BACE2: variants seen among roughly 807,000 people sequenced by gnomAD.
The protein encoded by BACE2 is 56 kDa aspartic-like protease.
A neutral mutation model predicts 46.2 loss-of-function variants in BACE2; 17 were observed. The ratio of observed to expected loss-of-function variants is 0.37; its 90% confidence interval spans 0.25 to 0.55. BACE2 has a LOEUF of 0.55. BACE2 is among the 20% of genes least tolerant of loss of function. BACE2 has a pLI of 0.82. For synonymous variants in BACE2, 277 were observed against 295.9 expected (o/e 0.94, Z 0.66); for missense variants, 595 against 698.1 (o/e 0.85, Z 1.66).
intron 1 of BACE2, among the ~76,000 whole-genome samples, chr21:41,200,795 C>T (rs1300858095): frequency 4.6e-5 from 7 of 152,148 alleles, no homozygotes; most frequent in Non-Finnish European, 1.0e-4. Flanking sequence ...AGAGGACGGC[C>T]ATCTGCAAGC....
At chr21:41,214,962 T>G (rs898745038) in intron 1 of BACE2, among the ~76,000 whole-genome samples, 17 of 150,440 alleles carry the variant, frequency 1.1e-4, no homozygotes, top group South Asian at 4.3e-4. Flanking sequence ...GGAAGGACTG[T>G]GGGGGGCAAA....
At chr21:41,250,689 G>A in intron 6 of BACE2, 63 bp from the exon 7 acceptor site, 1 of 1,532,930 alleles carries the variant, frequency 6.5e-7, no homozygotes, top group Non-Finnish European at 9.0e-7. Flanking sequence ...GGAAAGCCTG[G>A]AGCTGTTTCC....
intron 1 of BACE2, among the ~76,000 whole-genome samples, chr21:41,210,540 G>A (rs370517539): frequency 5.7e-4 from 87 of 152,236 alleles, no homozygotes; most frequent in African/African-American, 2.0e-3. Flanking sequence ...AACACTCACC[G>A]GCCCGGAGAT....
In BACE2 at chr21:41,277,796, G is replaced by A. The variant is rs571443375; in HGVS notation, c.*2172G>A. 1 of 152,358 alleles carries A rather than the reference G, an allele frequency of 6.6e-6. No individual in the cohort carries two copies. Among genetic ancestry groups the A allele is most frequent in the East Asian group, 1.9e-4 (1 of 5,188 alleles). The allele number at this position is 152,358 out of a possible 1,614,324, so 9.4% of individuals were successfully genotyped here. ...GTAACAAGTGAGGTTTCCAGGTAGA[G>A]TAGGTGAATGAAGTTTGCCGTCATG... On this transcript the variant is annotated 3_prime_UTR_variant, in exon 9 of 9. Coordinates refer to ENST00000330333, the MANE Select transcript of BACE2 (RefSeq NM_012105.5).
At chr21:41,233,170 A>G (rs1987015921) in intron 2 of BACE2, among the ~76,000 whole-genome samples, 1 of 152,204 alleles carries the variant, frequency 6.6e-6, no homozygotes, top group Non-Finnish European at 1.5e-5. Context: ...ATAATAACTC[A>G]TAGCCTGAAA....
In BACE2 at chr21:41,262,229, G is replaced by A. The variant is rs77717692; in HGVS notation, c.1303+4903G>A. 6.0e-3 allele frequency among the ~76,000 whole-genome samples: 917 copies of A among 152,178 alleles called. 9 individuals carry two copies. Among genetic ancestry groups the A allele is most frequent in the African/African-American group, 0.02 (841 of 41,530 alleles). ...TTTATCTATTCCCTAATGATATACC[G>A]CATTGATTTTGCATCATATTTCCTT... is the stretch of plus-strand genomic sequence containing the variant. On this transcript the variant is annotated intron_variant, in intron 8 of 8. Coordinates refer to ENST00000330333, the MANE Select transcript of BACE2 (RefSeq NM_012105.5).
At chr21:41,259,573 T>C (rs995510331) in intron 8 of BACE2, among the ~76,000 whole-genome samples, 1 of 152,136 alleles carries the variant, frequency 6.6e-6, no homozygotes, top group Admixed American at 6.5e-5. Context: ...ATATTTTCTT[T>C]AAAAATTTGT....
At chr21:41,204,784 A>G (rs915690694) in intron 1 of BACE2, among the ~76,000 whole-genome samples, 4 of 152,252 alleles carry the variant, frequency 2.6e-5, no homozygotes, top group African/African-American at 9.6e-5. Flanking sequence ...CTTCTGGGTT[A>G]GCATTCTTTC....
chr21:41,203,144 G>A (rs1986011895), intron 1 of BACE2, among the ~76,000 whole-genome samples: 1 of 152,192 alleles, frequency 6.6e-6, no homozygotes, highest in Non-Finnish European at 1.5e-5. Context: ...GAAAGGGACA[G>A]GCAGGACAAC....
At chr21:41,182,369 T>C (rs552651253) in intron 1 of BACE2, 1 of 167,236 alleles carries the variant, frequency 6.0e-6, no homozygotes, top group Admixed American at 6.5e-5. Flanking sequence ...TCATTGTAAT[T>C]GATTCTTGGG....
At chr21:41,220,734 A>G (rs1475115502) in intron 1 of BACE2, among the ~76,000 whole-genome samples, 1 of 150,822 alleles carries the variant, frequency 6.6e-6, no homozygotes, top group South Asian at 2.1e-4. Flanking sequence ...ATATTTTTAT[A>G]TATGTGAGAT....
intron 1 of BACE2, among the ~76,000 whole-genome samples, chr21:41,212,416 C>T (rs186939535): frequency 3.3e-5 from 5 of 152,272 alleles, no homozygotes; most frequent in African/African-American, 1.2e-4. Flanking sequence ...GGGGTCAGGG[C>T]ACAGACATTC....
chr21:41,202,169 G>C (rs1985985841), intron 1 of BACE2, among the ~76,000 whole-genome samples: 1 of 152,188 alleles, frequency 6.6e-6, no homozygotes, highest in Non-Finnish European at 1.5e-5. Flanking sequence ...ATTTGTTATG[G>C]TTAATGCTTA....
At chr21:41,182,027 A>T (rs181381410) in intron 1 of BACE2, 1 of 167,232 alleles carries the variant, frequency 6.0e-6, no homozygotes, top group Non-Finnish European at 1.5e-5. Context: ...TTCTATACCC[A>T]ACAAGCCCAC....
chr21:41,191,156 T>A (rs1266211854), intron 1 of BACE2, among the ~76,000 whole-genome samples: 1 of 152,166 alleles, frequency 6.6e-6, no homozygotes, highest in African/African-American at 2.4e-5. Flanking sequence ...GGACGCTGAT[T>A]CAGAGCATAC....
At chr21:41,178,958 G>T in intron 1 of BACE2, 1 of 560,102 alleles carries the variant, frequency 1.8e-6, no homozygotes, top group Non-Finnish European at 2.7e-6. Context: ...GGTTATGGAA[G>T]ACCTCTCTGA....
intron 2 of BACE2, among the ~76,000 whole-genome samples, chr21:41,227,261 A>G (rs1045155501): frequency 1.3e-5 from 2 of 152,266 alleles, no homozygotes; most frequent in Admixed American, 1.3e-4. Flanking sequence ...GTAAGCTGAC[A>G]TGCTGGTTTG....
Position 41,275,784 on chromosome 21 carries a change from T to A in BACE2, c.*160T>A, listed in dbSNP as rs1486560669. 2.3e-6 allele frequency: 2 copies of A among 855,304 alleles called. No homozygotes were observed. The highest frequency in any genetic ancestry group is 3.5e-6 in the Non-Finnish European group (2 of 574,932). The allele number at this position is 855,304 out of a possible 1,614,324, so 53.0% of individuals were successfully genotyped here. On this transcript the variant is annotated 3_prime_UTR_variant, in exon 9 of 9. Coordinates refer to ENST00000330333, the MANE Select transcript of BACE2 (RefSeq NM_012105.5). The stretch of plus-strand genomic sequence containing the variant: ...CCTTCTAGATTCACTGTCTTTTGAT[T>A]CTTGATTTTCAAGCTTTCAAATCCT...
chr21:41,250,983 A>C, intron 7 of BACE2, 82 bp downstream of exon 7: 5 of 1,306,072 alleles, frequency 3.8e-6, no homozygotes, highest in Non-Finnish European at 5.4e-6. Context: ...ATTAGATGTC[A>C]CACCTGCATT....
Sources: gnomAD v4.1 joint callset for allele counts (sites outside exome capture counted in the v4.1 genomes callset) on GRCh38, gnomAD v4.1.1 for gene constraint, MANE v1.5 for transcripts, NCBI Gene and HGNC (gene_info 2026-07-23, HGNC 2026-07-21) for gene names.